The following ZNF732 variants were observed in gnomAD, a reference collection of about 807,000 sequenced individuals.
The protein encoded by ZNF732 is zinc finger protein 732.
A neutral mutation model predicts 11.5 loss-of-function variants in ZNF732; 12 were observed. The ratio of observed to expected loss-of-function variants is 1.05; its 90% CI spans 0.67 to 1.70. ZNF732 has a LOEUF of 1.70. Ranked by LOEUF, ZNF732 falls within the 40% of genes most tolerant of loss-of-function variation. ZNF732 has a pLI of 0.00. For synonymous variants in ZNF732, 231 were observed against 236.5 expected, an observed-to-expected ratio of 0.98 and a Z score of 0.21; for missense variants, 702 against 676.9, an observed-to-expected ratio of 1.04 and a Z score of -0.41.
chr4:294,482 A>T (rs909008535), intron 3 of ZNF732, among the ~76,000 whole-genome samples: 1 of 152,206 alleles, frequency 6.6e-6, no homozygotes, highest in Non-Finnish European at 1.5e-5. Context: ...ATAAGACAAA[A>T]TTATAATAGT....
intron 1 of ZNF732, among the ~76,000 whole-genome samples, chr4:298,993 A>G (rs1403833569): frequency 1.3e-5 from 2 of 152,078 alleles, no homozygotes; most frequent in South Asian, 2.1e-4. Context: ...AGCTCCACCT[A>G]TGTTGACCTC....
chr4:287,651 AT>A (rs1369472565), intron 3 of ZNF732, among the ~76,000 whole-genome samples: 1 of 150,602 alleles, frequency 6.6e-6, no homozygotes, highest in Non-Finnish European at 1.5e-5. Context: ...ATATATATAT[AT>A]TTTTTTTTGA....
chr4:272,598 G>T lies in ZNF732; in HGVS notation c.259C>A (p.Pro87Thr). 1 of 1,538,558 alleles carries T rather than the reference G, an allele frequency of 6.5e-7. No individual in the cohort carries two copies. Among genetic ancestry groups the T allele is most frequent in the South Asian group, 1.3e-5 (1 of 76,854 alleles). Residue 87 changes from proline (P) to threonine (T), a missense_variant, in exon 4 of 4, where the codon CCA becomes ACA. Pro to Thr is a conservative substitution (Grantham distance 38). This residue lies in a region of ZNF732 where 596 missense variants were observed against 557.9 expected (regional missense o/e 1.07). Transcript: ENST00000419098. ...AACGAATCTTCTATCCCCTGCACTG[G>T]CAAAAAGTCTTGGGTGAAATGAGAA... ...VCSHFTQDFLPVQGIEDSFHK... is the reference protein window; with the variant it reads ...VCSHFTQDFLTVQGIEDSFHK...
intron 1 of ZNF732, 138 bp from the exon 2 acceptor site, chr4:296,293 T>C: frequency 8.2e-7 from 1 of 1,226,464 alleles, no homozygotes; most frequent in South Asian, 1.6e-5. Context: ...TTCTCTAAAG[T>C]ATTCTATAGC....
Position 272,272 on chromosome 4 carries a change from G to A in ZNF732, c.585C>T (p.Tyr195=). 4.3e-6 allele frequency: 7 copies of A among 1,613,346 alleles called. No homozygotes were observed. Among genetic ancestry groups the A allele is most frequent in the Non-Finnish European group, 5.9e-6 (7 of 1,179,546 alleles). Residue 195 remains tyrosine (Y), a synonymous_variant, in exon 4 of 4, where the codon TAC becomes TAT. Coordinates refer to ENST00000419098, the MANE Select transcript of ZNF732 (RefSeq NM_001137608.3). Reference sequence around the variant, plus strand: ...AGTCTTTGCCACATTCTTCACATGTGTAGGGTTTCTCTCCAGCATGAATTC... The same window carrying A: ...AGTCTTTGCCACATTCTTCACATGTATAGGGTTTCTCTCCAGCATGAATTC... ...HQGIHAGEKP[Y]TCEECGKDFK...
At chr4:279,961 G>A (rs554709386) in intron 3 of ZNF732, among the ~76,000 whole-genome samples, 9 of 152,194 alleles carry the variant, frequency 5.9e-5, no homozygotes, top group African/African-American at 2.2e-4. Context: ...AGAAATGTCT[G>A]AATTACACAT....
At chr4:299,956 G>A (rs1223808236) in intron 1 of ZNF732, among the ~76,000 whole-genome samples, 41 of 147,022 alleles carry the variant, frequency 2.8e-4, no homozygotes, top group Admixed American at 2.0e-3. Context: ...CGCCTGCCTC[G>A]GCCTCCCAAA....
chr4:292,839 G>A (rs1290075883), intron 3 of ZNF732, among the ~76,000 whole-genome samples: 7 of 128,026 alleles, frequency 5.5e-5, no homozygotes, highest in Admixed American at 2.0e-4. Flanking sequence ...GAGCTCAGGA[G>A]ATCGAGACCA....
At chr4:286,074 CCT>C (rs373263807) in intron 3 of ZNF732, among the ~76,000 whole-genome samples, 200 of 152,214 alleles carry the variant, frequency 1.3e-3, no homozygotes, top group African/African-American at 4.3e-3. Flanking sequence ...TTTTGTCTCC[CCT>C]GACAAAAAGT....
At chr4:295,627 T>G in intron 2 of ZNF732, 94 bp from the exon 3 acceptor site, 1 of 1,091,514 alleles carries the variant, frequency 9.2e-7, no homozygotes, top group Non-Finnish European at 1.3e-6. Flanking sequence ...TTATGGAAGA[T>G]CCTACATAAT....
chr4:280,110 G>GA (rs1195160507), intron 3 of ZNF732, among the ~76,000 whole-genome samples: 3 of 151,726 alleles, frequency 2.0e-5, no homozygotes, highest in Admixed American at 6.6e-5. Flanking sequence ...GAACCTACAT[G>GA]AAAAAAGACT....
Position 283,440 on chromosome 4 carries a change from A to T in ZNF732, c.227-10810T>A, listed in dbSNP as rs1283426571. On this transcript the variant is annotated intron_variant, in intron 3 of 3. Coordinates refer to ENST00000419098, the MANE Select transcript of ZNF732 (RefSeq NM_001137608.3). Reference sequence around the variant, plus strand: ...AAGGATGAAAAAAAAATTCCATGCCAGTAATAACTAAAAGAGTATAGAAGT... The same window carrying T: ...AAGGATGAAAAAAAAATTCCATGCCTGTAATAACTAAAAGAGTATAGAAGT... Among the ~76,000 whole-genome samples, 5 of 152,296 alleles carry T rather than the reference A, an allele frequency of 3.3e-5. No homozygotes were observed. The East Asian group carries it at 9.6e-4, about 29-fold the overall frequency.
At chr4:303,709 A>T (rs1429969566) in intron 1 of ZNF732, among the ~76,000 whole-genome samples, 1 of 152,232 alleles carries the variant, frequency 6.6e-6, no homozygotes, top group East Asian at 1.9e-4. Flanking sequence ...GAGACCATTA[A>T]GCCGCGTCTA....
intron 1 of ZNF732, among the ~76,000 whole-genome samples, chr4:299,508 CAT>C (rs1306870073): frequency 3.1e-4 from 20 of 64,930 alleles, no homozygotes; most frequent in East Asian, 7.6e-4. Context: ...TATATACACA[CAT>C]ATACGTATAT....
At chr4:299,354 C>CATATATACACATATGTGTATATATATAT (rs1720030780) in intron 1 of ZNF732, among the ~76,000 whole-genome samples, 6 of 126,468 alleles carry the variant, frequency 4.7e-5, no homozygotes, top group Non-Finnish European at 8.3e-5. Context: ...TATATATACA[C>CATATATACACATATGTGTATATATATAT]ATATATACAC....
intron 3 of ZNF732, among the ~76,000 whole-genome samples, chr4:282,779 C>CA (rs879985452): frequency 6.9e-4 from 91 of 131,806 alleles, no homozygotes; most frequent in African/African-American, 1.3e-3. Context: ...TTGGAAATTA[C>CA]AAAAAAAAAA....
chr4:272,674 C>T (rs782369459), intron 3 of ZNF732, 44 bp from the exon 4 acceptor site: 24 of 1,413,856 alleles, frequency 1.7e-5, no homozygotes, highest in Admixed American at 5.6e-5. Flanking sequence ...TAGATTCATA[C>T]GAATATACTT....
rs1371892618 is a variant in ZNF732 at position 296,052 on chromosome 4, T to A, written c.107A>T (p.Asn36Ile). The change falls in exon 2 of 4, where the codon AAC becomes ATC. Residue 36 changes from asparagine (N) to isoleucine (I), a missense_variant. By Grantham distance (149) the Asn-to-Ile change is moderately radical. Around this residue, in one of 3 missense-constraint regions of ZNF732, gnomAD observed 596 missense variants for 557.9 expected, o/e 1.07. Transcript: ENST00000419098. ...QNLYRDVMLE[N>I]YRNLISLGVA... ...ACCCAGGGAGATCAGGTTCCTGTAGTTCTCCAACATCACATCTCTATACAA... is the reference window on the plus strand; with the variant it reads ...ACCCAGGGAGATCAGGTTCCTGTAGATCTCCAACATCACATCTCTATACAA... 1 of 1,613,670 alleles carries A rather than the reference T, an allele frequency of 6.2e-7. No homozygotes were observed. The highest frequency in any genetic ancestry group is 8.5e-7 in the Non-Finnish European group (1 of 1,179,856).
chr4:292,929 G>A (rs182962598), intron 3 of ZNF732, among the ~76,000 whole-genome samples: 98 of 144,484 alleles, frequency 6.8e-4, no homozygotes, highest in Non-Finnish European at 3.9e-4. Context: ...TTAGCCAGGC[G>A]TGGTGTTAGG....
Sources: allele counts gnomAD v4.1 joint callset (sites outside exome capture counted in the v4.1 genomes callset), GRCh38; gene constraint gnomAD v4.1.1; regional missense constraint gnomAD v4.1.1; transcripts MANE v1.5; gene names NCBI Gene and HGNC (gene_info 2026-07-23, HGNC 2026-07-21).